HTRA3: variants seen among roughly 807,000 people sequenced by gnomAD.
HTRA3 encodes HtrA serine peptidase 3, also known as serine protease HTRA3.
HTRA3 carries 41 observed loss-of-function variants against 43.2 expected under a neutral mutation model. The ratio of observed to expected loss-of-function variants is 0.95; its 90% CI spans 0.74 to 1.23. The LOEUF is 1.23. Among genes scored for constraint, HTRA3 ranks in the 50% most tolerant of loss-of-function variants. The probability of loss-of-function intolerance (pLI) is 0.00; values close to 1 mark genes in which losing one functional copy is unlikely to be tolerated. For missense variants in HTRA3, 628 were observed against 647.1 expected (o/e 0.97, Z 0.32); for synonymous variants, 295 against 287.9 (o/e 1.02, Z -0.25).
intron 2 of HTRA3, among the ~76,000 whole-genome samples, chr4:8,284,568 C>T (rs1712884339): frequency 6.6e-6 from 1 of 152,258 alleles, no homozygotes; most frequent in South Asian, 2.1e-4. Context: ...CGGGCATTTT[C>T]TGCAGACCCC....
At position 8,295,752 on chromosome 4, in the gene HTRA3, A is replaced by T; in HGVS notation, c.1051+1551A>T. 7.6e-7 allele frequency: 1 copy of T among 1,317,092 alleles called. No individual in the cohort carries two copies. Among genetic ancestry groups the T allele is most frequent in the East Asian group, 3.0e-5 (1 of 33,116 alleles). The allele number at this position is 1,317,092 out of a possible 1,614,324, so 81.6% of individuals were successfully genotyped here. On this transcript the variant is annotated intron_variant, in intron 6 of 8. Coordinates refer to ENST00000307358, the MANE Select transcript of HTRA3 (RefSeq NM_053044.5). This position sits in a 1 kb window ranked among gnomAD's most constrained non-coding sequence, Gnocchi z 6.9. ...GCTTCCTCACGTTTCCCCCTCCTCC[A>T]TGACCCCGTCAGCCAAGCACATGGA...
At chr4:8,287,194 T>C (rs1232201822) in intron 3 of HTRA3, among the ~76,000 whole-genome samples, 1 of 152,138 alleles carries the variant, frequency 6.6e-6, no homozygotes, top group Non-Finnish European at 1.5e-5. Context: ...AGGGACCCCA[T>C]CCCTCCACCT....
At chr4:8,283,842 T>C (rs992828891) in intron 2 of HTRA3, among the ~76,000 whole-genome samples, 3 of 152,198 alleles carry the variant, frequency 2.0e-5, no homozygotes, top group African/African-American at 7.2e-5. Flanking sequence ...CCCTGGGGAC[T>C]GAGCATCTGG....
At chr4:8,292,261 G>C (rs1713276729) in intron 4 of HTRA3, 60 bp from the exon 5 acceptor site, 5 of 1,495,570 alleles carry the variant, frequency 3.3e-6, no homozygotes, top group Non-Finnish European at 4.6e-6. Context: ...TCTGGAGAAG[G>C]GGCTCCAGGA....
intron 3 of HTRA3, among the ~76,000 whole-genome samples, chr4:8,290,779 C>G (rs989551729): frequency 1.3e-5 from 2 of 152,170 alleles, no homozygotes; most frequent in African/African-American, 4.8e-5. Context: ...GCTGGGCCCG[C>G]GCAAAAGCAG....
rs1713877000 is a variant in HTRA3, at chr4:8,306,930, C to T, written c.*794C>T. 6.5e-6 allele frequency: 1 copy of T among 152,696 alleles called. No individual in the cohort carries two copies. The highest frequency in any genetic ancestry group is 1.5e-5 in the Non-Finnish European group (1 of 68,076). The allele number at this position is 152,696 out of a possible 1,614,324, so 9.5% of individuals were successfully genotyped here. ...ACGCAGCTCTGGGATGCAGCAGCCG[C>T]TCGCATGGAAGTGCCGCCCAGAGGC... On this transcript the variant is annotated 3_prime_UTR_variant, in exon 9 of 9. Transcript: ENST00000307358. The surrounding 1 kb of genome is among the most constrained non-coding windows in gnomAD (Gnocchi z 8.9).
chr4:8,300,754 C>T (rs572534556), intron 6 of HTRA3, among the ~76,000 whole-genome samples: 21 of 152,256 alleles, frequency 1.4e-4, no homozygotes, highest in African/African-American at 4.8e-4. Flanking sequence ...CATTGATTCA[C>T]ACTCATCTTT....
intron 5 of HTRA3, among the ~76,000 whole-genome samples, 171 bp from the exon 6 acceptor site, chr4:8,293,916 T>C (rs567946407): frequency 1.8e-4 from 28 of 151,616 alleles, no homozygotes; most frequent in African/African-American, 6.8e-4. Context: ...AGAGGTAGGG[T>C]CACTGACACA....
Position 8,270,229 on chromosome 4 carries a change from C to A in HTRA3, c.261C>A (p.His87Gln), listed in dbSNP as rs755883712. Residue 87 changes from histidine (H) to glutamine (Q), a missense_variant, in exon 1 of 9, where the codon CAC becomes CAA. Physicochemically the swap from His to Gln is conservative, Grantham distance 24. Coordinates refer to ENST00000307358, the MANE Select transcript of HTRA3 (RefSeq NM_053044.5). ...VRGLCRCRWS[H>Q]AVCGTDGHTY... ...GCCTATGCCGCTGCCGCTGGTCGCACGCCGTGTGTGGCACCGACGGGCACA... is the reference window on the plus strand; with the variant it reads ...GCCTATGCCGCTGCCGCTGGTCGCAAGCCGTGTGTGGCACCGACGGGCACA... 7 of 1,534,408 alleles carry A rather than the reference C, an allele frequency of 4.6e-6. No homozygotes were observed. Among genetic ancestry groups the A allele is most frequent in the East Asian group, 5.2e-5 (2 of 38,712 alleles).
At chr4:8,292,753 C>A (rs1340434698) in intron 5 of HTRA3, among the ~76,000 whole-genome samples, 2 of 152,180 alleles carry the variant, frequency 1.3e-5, no homozygotes, top group African/African-American at 4.8e-5. Context: ...TCAGCCTCAT[C>A]CCAGGTGAGA....
At chr4:8,283,936 C>A (rs1712857942) in intron 2 of HTRA3, among the ~76,000 whole-genome samples, 1 of 152,202 alleles carries the variant, frequency 6.6e-6, no homozygotes, top group Non-Finnish European at 1.5e-5. Context: ...TGGTCCAAGC[C>A]CCTGTCACTA....
chr4:8,296,029 T>C lies in HTRA3; in HGVS notation c.1051+1828T>C, dbSNP rs1331503434. The C allele has an allele frequency of 1.7e-6, 2 of 1,157,018 alleles. No homozygotes were observed. The highest frequency in any genetic ancestry group is 2.1e-6 in the Non-Finnish European group (2 of 940,428). 71.7% of individuals were successfully genotyped at this position (1,157,018 alleles called of 1,614,324 possible). On this transcript the variant is annotated intron_variant, in intron 6 of 8. Transcript: ENST00000307358. The surrounding 1 kb of genome is among the most constrained non-coding windows in gnomAD (Gnocchi z 5.3). The stretch of plus-strand genomic sequence containing the variant: ...GGGTGCACCCAGACCTGTCCTAGCA[T>C]GCTCCTTTCCCTAATGACCGAGTCT...
chr4:8,288,544 G>T (rs1308196896), intron 3 of HTRA3, among the ~76,000 whole-genome samples: 1 of 148,994 alleles, frequency 6.7e-6, no homozygotes, highest in African/African-American at 2.5e-5. Flanking sequence ...CAAAGTACCG[G>T]GATTACAGGC....
rs1459433217 is a variant in HTRA3 at position 8,297,037 on chromosome 4, G to A, written c.1051+2836G>A. Among the ~76,000 whole-genome samples the A allele has an allele frequency of 1.3e-5, 2 of 152,052 alleles. No homozygotes were observed. The highest frequency in any genetic ancestry group is 4.8e-5 in the African/African-American group (2 of 41,400). Reference sequence around the variant, plus strand: ...GAGTTCACAGGGTTCCCCAGCCTCAGAGGTCACAGGGTCCCTTGGTCTCAG... The same window carrying A: ...GAGTTCACAGGGTTCCCCAGCCTCAAAGGTCACAGGGTCCCTTGGTCTCAG... On this transcript the variant is annotated intron_variant, in intron 6 of 8. Transcript: ENST00000307358. This position sits in a 1 kb window ranked among gnomAD's most constrained non-coding sequence, Gnocchi z 5.8.
intron 2 of HTRA3, among the ~76,000 whole-genome samples, chr4:8,285,425 TGCAC>T (rs2153005133): frequency 6.6e-6 from 1 of 152,306 alleles, no homozygotes; most frequent in Admixed American, 6.5e-5. Flanking sequence ...GTCACCTCCC[TGCAC>T]GTGCCAGACG....
rs779849169 is a variant in HTRA3 at position 8,286,515 on chromosome 4, G to T, written c.486-46G>T. The T allele has an allele frequency of 6.4e-7, 1 of 1,550,726 alleles. No individual in the cohort carries two copies. The highest frequency in any genetic ancestry group is 1.1e-5 in the South Asian group (1 of 88,994). On this transcript the variant is annotated intron_variant, in intron 2 of 8. Transcript: ENST00000307358. This position sits in a 1 kb window ranked among gnomAD's most constrained non-coding sequence, Gnocchi z 4.9. The stretch of plus-strand genomic sequence containing the variant: ...CCACCACTGCGCCTGACTCCCCCGC[G>T]TCCTAGCCCCACCCTAAATGCCCGC...
intron 3 of HTRA3, among the ~76,000 whole-genome samples, chr4:8,290,435 T>G (rs1002934160): frequency 6.6e-6 from 1 of 152,206 alleles, no homozygotes; most frequent in African/African-American, 2.4e-5. Context: ...ATCTCCTAAG[T>G]TGGGGCAATG....
intron 6 of HTRA3, 53 bp downstream of exon 6, chr4:8,294,254 A>G (rs1713359253): frequency 7.5e-7 from 1 of 1,337,766 alleles, no homozygotes; most frequent in South Asian, 1.2e-5. Context: ...TCCCAGGGCT[A>G]CAGCCCCTTA....
intron 1 of HTRA3, 122 bp from the exon 2 acceptor site, chr4:8,282,314 TG>T: frequency 1.3e-6 from 1 of 746,372 alleles, no homozygotes; most frequent in Non-Finnish European, 2.3e-6. Context: ...GGGCTGAGGC[TG>T]GCTCTGAACT....
Sources: gnomAD v4.1 joint callset for allele counts (sites outside exome capture counted in the v4.1 genomes callset) on GRCh38, gnomAD v4.1.1 for gene constraint, Gnocchi (gnomAD v3.1) non-coding constraint, MANE v1.5 for transcripts, NCBI Gene and HGNC (gene_info 2026-07-23, HGNC 2026-07-21) for gene names.